The following ARID2 variants were observed in gnomAD, a reference collection of about 807,000 sequenced individuals.
ARID2 encodes AT-rich interaction domain 2, also known as AT-rich interactive domain-containing protein 2.
A neutral mutation model predicts 184.6 loss-of-function variants in ARID2; 32 were observed. That is an observed-to-expected ratio of 0.17 (90% CI 0.13 to 0.23). The LOEUF (loss-of-function observed/expected upper bound fraction) is 0.23, where lower values mean the gene tolerates loss of function less well. Ranked by LOEUF, ARID2 falls within the 10% of genes least tolerant of loss-of-function variation. The probability of loss-of-function intolerance (pLI) is 1.00; values close to 1 mark genes in which losing one functional copy is unlikely to be tolerated. For missense variants in ARID2, 1,696 were observed against 2,197.6 expected, an observed-to-expected ratio of 0.77 and a Z score of 4.56; for synonymous variants, 836 against 772.6, an observed-to-expected ratio of 1.08 and a Z score of -1.36.
chr12:45,876,149 G>A lies in ARID2; in HGVS notation c.4922+15200G>A, dbSNP rs143604764. On this transcript the variant is annotated intron_variant, in intron 16 of 20. Transcript: ENST00000334344. ...CACTTGAACACTGAGAGGCCATTGT[G>A]GGGTTATTAATTGGCCTAATTTCAT... Among the ~76,000 whole-genome samples, 72 of 152,300 alleles carry A rather than the reference G, an allele frequency of 4.7e-4. No homozygotes were observed. The East Asian group carries it at 0.013, about 27-fold the overall frequency.
chr12:45,745,576 C>CTCAAAATATG (rs1425277835), intron 3 of ARID2, among the ~76,000 whole-genome samples: 12 of 152,176 alleles, frequency 7.9e-5, no homozygotes, highest in Admixed American at 7.9e-4. Flanking sequence ...GAGACAAAGT[C>CTCAAAATATG]TCACTATGTC....
intron 16 of ARID2, among the ~76,000 whole-genome samples, chr12:45,863,542 G>T (rs1173038690): frequency 6.6e-6 from 1 of 151,824 alleles, no homozygotes; most frequent in Non-Finnish European, 1.5e-5. Flanking sequence ...AGCTATGATT[G>T]CATCATTGCA....
intron 15 of ARID2, among the ~76,000 whole-genome samples, chr12:45,857,427 G>A (rs1212983344): frequency 6.6e-6 from 1 of 152,098 alleles, no homozygotes; most frequent in Non-Finnish European, 1.5e-5. Flanking sequence ...ACTCAGATTT[G>A]TAGACCAATA....
At chr12:45,789,952 C>G (rs1942264637) in intron 3 of ARID2, among the ~76,000 whole-genome samples, 1 of 151,836 alleles carries the variant, frequency 6.6e-6, no homozygotes, top group African/African-American at 2.4e-5. Flanking sequence ...TCCTCTCTAC[C>G]AAAAAAACCA....
At chr12:45,751,058 GA>G (rs1203581518) in intron 3 of ARID2, among the ~76,000 whole-genome samples, 1 of 152,124 alleles carries the variant, frequency 6.6e-6, no homozygotes, top group African/African-American at 2.4e-5. Flanking sequence ...TGAGAACAGA[GA>G]AAAATTATTT....
intron 3 of ARID2, among the ~76,000 whole-genome samples, chr12:45,750,460 C>T (rs1941441661): frequency 6.6e-6 from 1 of 152,094 alleles, no homozygotes; most frequent in Non-Finnish European, 1.5e-5. Flanking sequence ...GTGAAGTGAG[C>T]ACATGGTTTT....
At chr12:45,863,849 T>C (rs992534927) in intron 16 of ARID2, among the ~76,000 whole-genome samples, 2 of 4,436 alleles carry the variant, frequency 4.5e-4, no homozygotes, top group Non-Finnish European at 9.7e-4. Flanking sequence ...TCTTTCCCTT[T>C]TTTTTTTGTT....
At position 45,907,449 on chromosome 12, in the gene ARID2, C is replaced by G. The variant is rs531758157; in HGVS notation, c.*2371C>G. 10 of 233,256 alleles carry G rather than the reference C, an allele frequency of 4.3e-5. No homozygotes were observed. The highest frequency in any genetic ancestry group is 7.6e-5 in the Non-Finnish European group (9 of 117,886). The allele number at this position is 233,256 out of a possible 1,614,324, so 14.4% of individuals were successfully genotyped here. On this transcript the variant is annotated 3_prime_UTR_variant, in exon 21 of 21. Coordinates refer to ENST00000334344, the MANE Select transcript of ARID2 (RefSeq NM_152641.4). ...ATTGCATGCTGTAGTTCTAGCTTTT[C>G]TGCTATAATATGTAAATATGACTGT...
chr12:45,780,610 AATT>A (rs569637304), intron 3 of ARID2, among the ~76,000 whole-genome samples: 9 of 151,622 alleles, frequency 5.9e-5, no homozygotes, highest in African/African-American at 9.7e-5. Context: ...AATTGATATA[AATT>A]ATTATTATTA....
At chr12:45,843,975 A>G (rs1455152603) in intron 11 of ARID2, among the ~76,000 whole-genome samples, 1 of 152,182 alleles carries the variant, frequency 6.6e-6, no homozygotes, top group African/African-American at 2.4e-5. Flanking sequence ...TGAATTTGCC[A>G]TGAGTTCGTA....
At chr12:45,801,629 T>C (rs1942503315) in intron 3 of ARID2, among the ~76,000 whole-genome samples, 1 of 152,220 alleles carries the variant, frequency 6.6e-6, no homozygotes, top group South Asian at 2.1e-4. Context: ...AAAAAATACA[T>C]TCTCTGTGTC....
intron 3 of ARID2, among the ~76,000 whole-genome samples, chr12:45,787,200 T>G (rs982676706): frequency 2.0e-5 from 3 of 151,550 alleles, no homozygotes; most frequent in Admixed American, 2.0e-4. Context: ...CATTCCACAA[T>G]GTATACCTAT....
chr12:45,756,356 T>G (rs184943727), intron 3 of ARID2, among the ~76,000 whole-genome samples: 188 of 152,330 alleles, frequency 1.2e-3, no homozygotes, highest in African/African-American at 4.0e-3. Flanking sequence ...TTATTAAAAT[T>G]CTTCTGGAAG....
intron 6 of ARID2, among the ~76,000 whole-genome samples, chr12:45,821,739 G>A (rs1942901314): frequency 6.6e-6 from 1 of 152,172 alleles, no homozygotes; most frequent in Non-Finnish European, 1.5e-5. Context: ...ACAATTGAAT[G>A]ACCCTCTTCT....
Position 45,850,742 on chromosome 12 carries a change from T to A in ARID2, c.2619T>A (p.Ala873=), listed in dbSNP as rs2138164770. 1 of 1,614,106 alleles carries A rather than the reference T, an allele frequency of 6.2e-7. No individual in the cohort carries two copies. Among genetic ancestry groups the A allele is most frequent in the Non-Finnish European group, 8.5e-7 (1 of 1,179,992 alleles). The change falls in exon 15 of 21, where the codon GCT becomes GCA. Residue 873 remains alanine, a synonymous_variant. Transcript: ENST00000334344. ...SATSVQNFQV[A]TGQMVTIAGV... ...CTTCAGTACAGAATTTTCAGGTAGC[T>A]ACAGGACAAATGGTTACTATTGCTG...
At chr12:45,734,712 C>T (rs1941075876) in intron 3 of ARID2, among the ~76,000 whole-genome samples, 1 of 152,040 alleles carries the variant, frequency 6.6e-6, no homozygotes, top group Non-Finnish European at 1.5e-5. Flanking sequence ...TAATGTGTTC[C>T]ATATTTACTT....
chr12:45,777,355 A>G (rs1456825105), intron 3 of ARID2, among the ~76,000 whole-genome samples: 4 of 152,130 alleles, frequency 2.6e-5, no homozygotes, highest in Non-Finnish European at 5.9e-5. Context: ...TTGTAGTGTA[A>G]TAAGTATTAA....
chr12:45,743,821 G>T (rs1405118736), intron 3 of ARID2, among the ~76,000 whole-genome samples: 1 of 152,028 alleles, frequency 6.6e-6, no homozygotes, highest in Non-Finnish European at 1.5e-5. Context: ...TTTATATAGG[G>T]TTTGAACATT....
chr12:45,739,709 T>C (rs1941213094), intron 3 of ARID2, among the ~76,000 whole-genome samples: 1 of 152,070 alleles, frequency 6.6e-6, no homozygotes, highest in Non-Finnish European at 1.5e-5. Context: ...TCTTTCATGG[T>C]GAAGTGTTTT....
Sources: allele counts gnomAD v4.1 joint callset (sites outside exome capture counted in the v4.1 genomes callset), GRCh38; gene constraint gnomAD v4.1.1; transcripts MANE v1.5; gene names NCBI Gene and HGNC (gene_info 2026-07-23, HGNC 2026-07-21).